The following PLXNC1 variants were observed in gnomAD, a reference collection of about 807,000 sequenced individuals.
PLXNC1 encodes plexin-C1.
In PLXNC1, 75 loss-of-function variants were observed where a neutral mutation model predicts 178.2. The ratio of observed to expected loss-of-function variants is 0.42; its 90% CI spans 0.35 to 0.51. PLXNC1 has a LOEUF of 0.51. PLXNC1 is among the 20% of genes least tolerant of loss of function. The probability of loss-of-function intolerance (pLI) is 0.02; values close to 1 mark genes in which losing one functional copy is unlikely to be tolerated. For missense variants in PLXNC1, 1,503 were observed against 1,984.4 expected (o/e 0.76, Z 4.61); for synonymous variants, 790 against 779.9 (o/e 1.01, Z -0.22).
intron 5 of PLXNC1, among the ~76,000 whole-genome samples, chr12:94,210,404 T>A (rs17299973): frequency 0.2 from 31,004 of 152,096 alleles, 3,275 homozygotes; most frequent in Middle Eastern, 0.26. Context: ...TCAGTGGTGC[T>A]ATAAGGAGGC....
intron 1 of PLXNC1, among the ~76,000 whole-genome samples, chr12:94,152,656 C>T (rs951713708): frequency 6.6e-6 from 1 of 152,228 alleles, no homozygotes; most frequent in Non-Finnish European, 1.5e-5. Flanking sequence ...AGAGCAGACA[C>T]AGTAATTTTA....
At chr12:94,291,302 C>T (rs752840949) in intron 23 of PLXNC1, among the ~76,000 whole-genome samples, 3 of 152,350 alleles carry the variant, frequency 2.0e-5, no homozygotes, top group East Asian at 3.9e-4. Context: ...GTGGCACAAT[C>T]GTGGCTCACT....
At chr12:94,264,771 G>C (rs1965141439) in intron 20 of PLXNC1, among the ~76,000 whole-genome samples, 1 of 151,900 alleles carries the variant, frequency 6.6e-6, no homozygotes, top group Non-Finnish European at 1.5e-5. Flanking sequence ...TTAACCCACT[G>C]ATGAGCATTA....
At position 94,307,354 on chromosome 12, in the gene PLXNC1, A is replaced by ATTAGCCAAATGC. The variant is rs1387731478; in HGVS notation, c.*2070_*2081dup. The ATTAGCCAAATGC allele has an allele frequency of 2.6e-5, 4 of 152,246 alleles. No homozygotes were observed. Among genetic ancestry groups the ATTAGCCAAATGC allele is most frequent in the Admixed American group, 2.0e-4 (3 of 15,284 alleles). The allele number at this position is 152,246 out of a possible 1,614,324, so 9.4% of individuals were successfully genotyped here. A position where few individuals can be genotyped will look rare whatever the true frequency, so the allele number is the denominator to read the frequency against. ...CTATCTAGATCACATTTTGGATCAC[A>ATTAGCCAAATGC]TTAGCCAAATGCAGTAAATGGCCAA... On this transcript the variant is annotated 3_prime_UTR_variant, in exon 31 of 31. Transcript: ENST00000258526.
intron 1 of PLXNC1, among the ~76,000 whole-genome samples, chr12:94,164,321 A>G (rs1206410244): frequency 6.6e-6 from 1 of 152,216 alleles, no homozygotes; most frequent in Non-Finnish European, 1.5e-5. Flanking sequence ...ACATACAGGA[A>G]TCCTTTTAGC....
At chr12:94,209,503 A>G in intron 4 of PLXNC1, 87 bp from the exon 5 acceptor site, 1 of 756,204 alleles carries the variant, frequency 1.3e-6, no homozygotes, top group South Asian at 1.5e-5. Context: ...AGCCAAGTAT[A>G]AGAAAGTTTT....
chr12:94,263,934 A>C (rs1309018182), intron 20 of PLXNC1, among the ~76,000 whole-genome samples: 1 of 152,052 alleles, frequency 6.6e-6, no homozygotes, highest in East Asian at 1.9e-4. Flanking sequence ...AAGATGTCTT[A>C]GGTAACTTGC....
chr12:94,211,491 C>T (rs1269131655), intron 5 of PLXNC1, among the ~76,000 whole-genome samples: 1 of 152,210 alleles, frequency 6.6e-6, no homozygotes, highest in African/African-American at 2.4e-5. Context: ...CTGACCCTGA[C>T]CTATGGAGAC....
Position 94,149,363 on chromosome 12 carries a change from G to C in PLXNC1, c.392G>C (p.Arg131Pro). 1 of 1,425,504 alleles carries C rather than the reference G, an allele frequency of 7.0e-7. No homozygotes were observed. Among genetic ancestry groups the C allele is most frequent in the Non-Finnish European group, 9.1e-7 (1 of 1,099,884 alleles). 88.3% of individuals were successfully genotyped at this position (1,425,504 alleles called of 1,614,324 possible). The change falls in exon 1 of 31, where the codon CGG (arginine) becomes CCG (proline). Residue 131 changes from arginine to proline, a missense_variant. Coordinates refer to ENST00000258526, the MANE Select transcript of PLXNC1 (RefSeq NM_005761.3). ...GLLLTGWTFD[R>P]GACEVRPLGN... ...CTGCTCACCGGCTGGACCTTCGACC[G>C]GGGCGCCTGCGAGGTGCGGCCCCTG...
chr12:94,196,860 A>G (rs1474763401), intron 4 of PLXNC1, among the ~76,000 whole-genome samples: 2 of 152,244 alleles, frequency 1.3e-5, no homozygotes, highest in Non-Finnish European at 2.9e-5. Flanking sequence ...CTTCTTAGAG[A>G]ACAGCCTTAG....
At chr12:94,278,145 C>T (rs201545156) in intron 21 of PLXNC1, 1 of 338,366 alleles carries the variant, frequency 3.0e-6, no homozygotes, top group Non-Finnish European at 5.7e-6. Context: ...CTCCTTAAAA[C>T]CAAAAAAAAC....
At chr12:94,198,081 G>T (rs1027392661) in intron 4 of PLXNC1, among the ~76,000 whole-genome samples, 1 of 152,156 alleles carries the variant, frequency 6.6e-6, no homozygotes, top group African/African-American at 2.4e-5. Flanking sequence ...CCACACGTAT[G>T]TTCATTGCAG....
chr12:94,225,398 T>G (rs888993204), intron 7 of PLXNC1, among the ~76,000 whole-genome samples: 1 of 152,180 alleles, frequency 6.6e-6, no homozygotes, highest in Non-Finnish European at 1.5e-5. Flanking sequence ...CAGGAGCCCC[T>G]GGGCCTCATC....
At chr12:94,252,279 G>T (rs1964718139) in intron 15 of PLXNC1, among the ~76,000 whole-genome samples, 1 of 152,082 alleles carries the variant, frequency 6.6e-6, no homozygotes. Flanking sequence ...TAGAAGTGTG[G>T]TCATGCCTGG....
chr12:94,160,272 A>C (rs1340376240), intron 1 of PLXNC1, among the ~76,000 whole-genome samples: 2 of 152,132 alleles, frequency 1.3e-5, no homozygotes, highest in Non-Finnish European at 2.9e-5. Flanking sequence ...TGTTTCTAGA[A>C]CTGGAAAAAA....
intron 1 of PLXNC1, among the ~76,000 whole-genome samples, chr12:94,168,917 G>A (rs2135939883): frequency 6.6e-6 from 1 of 152,206 alleles, no homozygotes; most frequent in Admixed American, 6.5e-5. Context: ...AGCTCGCTTT[G>A]GCACTCAATA....
intron 10 of PLXNC1, among the ~76,000 whole-genome samples, chr12:94,238,116 ACAT>A (rs1180477570): frequency 1.3e-5 from 2 of 152,150 alleles, no homozygotes; most frequent in African/African-American, 2.4e-5. Flanking sequence ...GGAGTAGCAA[ACAT>A]CATTCTTTAG....
Position 94,150,050 on chromosome 12 carries a change from G to C in PLXNC1, c.1062+17G>C. ...AGCCACTGCGTAAGTCCTGCCCCCG[G>C]GGCGCCGCGGAGAGCGCTGCTGCCG... On this transcript the variant is annotated intron_variant, in intron 1 of 30. Transcript: ENST00000258526. The C allele has an allele frequency of 1.3e-6, 2 of 1,546,800 alleles. No homozygotes were observed. Among genetic ancestry groups the C allele is most frequent in the Non-Finnish European group, 1.7e-6 (2 of 1,150,544 alleles).
intron 1 of PLXNC1, among the ~76,000 whole-genome samples, chr12:94,159,756 A>C (rs1466842664): frequency 6.6e-6 from 1 of 152,152 alleles, no homozygotes; most frequent in African/African-American, 2.4e-5. Context: ...TGGGGAATGG[A>C]TGAGAGATTG....
Sources: allele counts gnomAD v4.1 joint callset (sites outside exome capture counted in the v4.1 genomes callset), GRCh38; gene constraint gnomAD v4.1.1; transcripts MANE v1.5; gene names NCBI Gene and HGNC (gene_info 2026-07-23, HGNC 2026-07-21).